HIP1R: variants seen among roughly 807,000 people sequenced by gnomAD.
The protein encoded by HIP1R is huntingtin-interacting protein 1-related protein.
In HIP1R, 135 loss-of-function variants were observed where a neutral mutation model predicts 144.2. The ratio of observed to expected loss-of-function variants is 0.94; its 90% CI spans 0.81 to 1.08. The LOEUF (loss-of-function observed/expected upper bound fraction) is 1.08, where lower values mean the gene tolerates loss of function less well. HIP1R is among the 50% of genes least tolerant of loss of function. The pLI is 0.00. For synonymous variants in HIP1R, 698 were observed against 612.8 expected (o/e 1.14, Z -2.05); for missense variants, 1,462 against 1,432.8 (o/e 1.02, Z -0.33).
In HIP1R at chr12:122,848,452, C is replaced by T; in HGVS notation, c.158-14C>T. The T allele has an allele frequency of 6.2e-7, 1 of 1,605,206 alleles. No individual in the cohort carries two copies. The highest frequency in any genetic ancestry group is 1.1e-5 in the South Asian group (1 of 89,956). ...CTCCAGTCTCTGCTTCCACACTTGG[C>T]CTTGACATTGCAGGCATCATTCTGG... On this transcript the variant is annotated splice_polypyrimidine_tract_variant and intron_variant, in intron 2 of 31. Coordinates refer to ENST00000253083, the MANE Select transcript of HIP1R (RefSeq NM_003959.3).
In HIP1R at chr12:122,861,476, G is replaced by A. The variant is rs777845596; in HGVS notation, c.3121G>A (p.Ala1041Thr). 1.2e-6 allele frequency: 2 copies of A among 1,613,242 alleles called. No homozygotes were observed. The highest frequency in any genetic ancestry group is 1.7e-6 in the Non-Finnish European group (2 of 1,179,814). ...RSVTTKKPPL[A>T]QKPSVAPRQD... is the part of the protein sequence containing the mutation. Reference sequence around the variant, plus strand: ...TGTAACCACCAAGAAACCACCCCTGGCCCAGAAGCCCAGCGTGGCCCCCAG... The same window carrying A: ...TGTAACCACCAAGAAACCACCCCTGACCCAGAAGCCCAGCGTGGCCCCCAG... Residue 1041 changes from alanine (A) to threonine (T), a missense_variant, in exon 31 of 32, where the codon GCC becomes ACC. Coordinates refer to ENST00000253083, the MANE Select transcript of HIP1R (RefSeq NM_003959.3).
At chr12:122,837,317 G>T (rs1593856129) in intron 1 of HIP1R, among the ~76,000 whole-genome samples, 1 of 150,028 alleles carries the variant, frequency 6.7e-6, no homozygotes, top group South Asian at 2.1e-4. Context: ...CAAGAAGGTG[G>T]ATTTTTTTTT....
At chr12:122,843,257 C>A (rs982792158) in intron 1 of HIP1R, among the ~76,000 whole-genome samples, 1 of 152,196 alleles carries the variant, frequency 6.6e-6, no homozygotes, top group African/African-American at 2.4e-5. Flanking sequence ...CTGAGGGGCT[C>A]CATCTCCATC....
rs745910954 is a variant in HIP1R at position 122,849,894 on chromosome 12, A to G, written c.377A>G (p.Tyr126Cys). ...ACACAGGGACATTTGCATGACCGCT[A>G]CGGACAGCTGGTGAATGTCTACACC... is the stretch of plus-strand genomic sequence containing the variant. The part of the protein sequence containing the change: ...GDLWGHLHDR[Y>C]GQLVNVYTKL... Residue 126 changes from tyrosine (Y) to cysteine (C), a missense_variant, in exon 5 of 32, where the codon TAC becomes TGC. Tyr to Cys is a radical substitution (Grantham distance 194). Coordinates refer to ENST00000253083, the MANE Select transcript of HIP1R (RefSeq NM_003959.3). 5.6e-6 allele frequency: 9 copies of G among 1,613,340 alleles called. No individual in the cohort carries two copies. Among genetic ancestry groups the G allele is most frequent in the Admixed American group, 1.7e-5 (1 of 59,996 alleles).
In HIP1R at chr12:122,858,182, G is replaced by A. The variant is rs546984035; in HGVS notation, c.1896G>A (p.Ala632=). ...AVLRGAAAEA[A]GILQDAVSKL... The stretch of plus-strand genomic sequence containing the variant: ...TGCGGGGCGCTGCTGCCGAGGCCGC[G>A]GGCATCCTGCAGGATGCCGTGAGCA... Residue 632 remains alanine, a synonymous_variant, in exon 19 of 32, where the codon GCG becomes GCA. Transcript: ENST00000253083. The A allele has an allele frequency of 3.7e-5, 59 of 1,607,534 alleles. No individual in the cohort carries two copies. Among genetic ancestry groups the A allele is most frequent in the African/African-American group, 1.1e-4 (8 of 74,868 alleles).
At position 122,860,080 on chromosome 12, in the gene HIP1R, G is replaced by A. The variant is rs1566115237; in HGVS notation, c.2496+3G>A. 1.3e-6 allele frequency: 2 copies of A among 1,576,392 alleles called. No homozygotes were observed. Among genetic ancestry groups the A allele is most frequent in the Admixed American group, 1.8e-5 (1 of 55,758 alleles). On this transcript the variant is annotated splice_donor_region_variant and intron_variant, in intron 25 of 31. Transcript: ENST00000253083. Reference sequence around the variant, plus strand: ...ACTCCTGCACAGACCTGATGAAGGTGAGGGGCTGTGACCCGGGGGGGTCTG... The same window carrying A: ...ACTCCTGCACAGACCTGATGAAGGTAAGGGGCTGTGACCCGGGGGGGTCTG...
chr12:122,855,418 C>T lies in HIP1R; in HGVS notation c.993+13C>T. 2 of 1,555,082 alleles carry T rather than the reference C, an allele frequency of 1.3e-6. No individual in the cohort carries two copies. The highest frequency in any genetic ancestry group is 1.4e-5 in the African/African-American group (1 of 73,362). ...GGGGGAGCCAGTGGTGAGCCCCCTGCCCAGCCCGTGTCCCCCAGTCCTCCA... is the reference window on the plus strand; with the variant it reads ...GGGGGAGCCAGTGGTGAGCCCCCTGTCCAGCCCGTGTCCCCCAGTCCTCCA... On this transcript the variant is annotated intron_variant, in intron 11 of 31. Coordinates refer to ENST00000253083, the MANE Select transcript of HIP1R (RefSeq NM_003959.3).
intron 6 of HIP1R, 32 bp from the exon 7 acceptor site, chr12:122,851,204 T>C: frequency 4.7e-6 from 7 of 1,484,460 alleles, no homozygotes; most frequent in Admixed American, 2.6e-5. Context: ...CACCCACCCT[T>C]TTTCATTTCT....
At chr12:122,838,644 A>G (rs1297820905) in intron 1 of HIP1R, among the ~76,000 whole-genome samples, 1 of 152,216 alleles carries the variant, frequency 6.6e-6, no homozygotes, top group Non-Finnish European at 1.5e-5. Context: ...AGAACCTGTG[A>G]CTACGTTAAT....
Position 122,860,480 on chromosome 12 carries a change from A to T in HIP1R, c.2617A>T (p.Ile873Phe), listed in dbSNP as rs759270698. ...GAACTCGCGCTGGACCGAAGGCCTC[A>T]TCTCGGCCTCCAAGGCTGTGGGCTG... ...AKNSRWTEGL[I>F]SASKAVGWGA... Residue 873 changes from isoleucine (I) to phenylalanine (F), a missense_variant, in exon 27 of 32, where the codon ATC (isoleucine) becomes TTC (phenylalanine). Ile to Phe is a conservative substitution (Grantham distance 21, BLOSUM62 0). This residue lies in a region of HIP1R where 1,112 missense variants were observed against 1,011.7 expected (regional missense o/e 1.10). Transcript: ENST00000253083. The T allele has an allele frequency of 6.2e-7, 1 of 1,613,202 alleles. No individual in the cohort carries two copies. Among genetic ancestry groups the T allele is most frequent in the Non-Finnish European group, 8.5e-7 (1 of 1,179,966 alleles).
rs2033737252 is a variant in HIP1R at position 122,860,535 on chromosome 12, T to C, written c.2660+12T>C. 9.8e-7 allele frequency: 1 copy of C among 1,018,478 alleles called. No homozygotes were observed. Among genetic ancestry groups the C allele is most frequent in the Non-Finnish European group, 1.5e-6 (1 of 662,648 alleles). 63.1% of individuals were successfully genotyped at this position (1,018,478 alleles called of 1,614,324 possible). On this transcript the variant is annotated intron_variant, in intron 27 of 31. Transcript: ENST00000253083. ...GCCACACAGCTGGTGTAGGTTGCCC[T>C]GGGTGGGGGGGGGCAGGGGGCTGCT...
Position 122,858,096 on chromosome 12 carries a change from T to C in HIP1R, c.1816-6T>C. 1 of 1,569,720 alleles carries C rather than the reference T, an allele frequency of 6.4e-7. No homozygotes were observed. Among genetic ancestry groups the C allele is most frequent in the East Asian group, 2.3e-5 (1 of 44,196 alleles). ...TCTAACCTGTCCTCTTCACCCCCAT[T>C]GCCAGGAGTCTCAGGAGCAGGGGCT... On this transcript the variant is annotated splice_polypyrimidine_tract_variant and splice_region_variant and intron_variant, in intron 18 of 31. Coordinates refer to ENST00000253083, the MANE Select transcript of HIP1R (RefSeq NM_003959.3).
intron 8 of HIP1R, 127 bp downstream of exon 8, chr12:122,854,310 GC>G: frequency 1.9e-6 from 1 of 528,678 alleles, no homozygotes; most frequent in Admixed American, 4.2e-5. Context: ...TAAACCCACT[GC>G]CCATTAATAG....
chr12:122,856,889 C>T (rs1566112274), intron 17 of HIP1R, 132 bp from the exon 18 acceptor site: 3 of 1,022,460 alleles, frequency 2.9e-6, no homozygotes, highest in African/African-American at 1.6e-5. Flanking sequence ...GGACCTACCG[C>T]TGGTCCTCAG....
chr12:122,848,702 G>GA, intron 3 of HIP1R, 94 bp downstream of exon 3: 2 of 1,597,666 alleles, frequency 1.3e-6, no homozygotes, highest in Non-Finnish European at 1.7e-6. Flanking sequence ...GTAGCTCCGG[G>GA]CTGTTCCTCC....
intron 1 of HIP1R, among the ~76,000 whole-genome samples, chr12:122,847,613 C>G (rs115516100): frequency 2.0e-5 from 3 of 152,296 alleles, no homozygotes; most frequent in African/African-American, 7.2e-5. Context: ...CATGGGGTGC[C>G]GCAAAGGCCA....
Position 122,847,306 on chromosome 12 carries a change from G to C in HIP1R, c.94-725G>C, listed in dbSNP as rs117050467. The stretch of plus-strand genomic sequence containing the variant: ...GAAAAGGAGGCAGTAGCCGGGGCGG[G>C]GGGGGAGGGGTGAGACTGCCATAGG... On this transcript the variant is annotated intron_variant, in intron 1 of 31. Transcript: ENST00000253083. Among the ~76,000 whole-genome samples, 1,035 of 152,306 alleles carry C rather than the reference G, an allele frequency of 6.8e-3. 70 individuals are homozygous for C. The East Asian group carries it at 0.15, about 22-fold the overall frequency.
chr12:122,859,447 G>C lies in HIP1R; in HGVS notation c.2317G>C (p.Asp773His). ...CCAGGAACTGAAACCCAAGAGCCTA[G>C]ATGTGCGGCAGGAGGAGCTGGGGGC... is the stretch of plus-strand genomic sequence containing the variant. ...LGQELKPKSLDVRQEELGAVV... is the reference protein window; with the variant it reads ...LGQELKPKSLHVRQEELGAVV... The change falls in exon 23 of 32, where the codon GAT (aspartate) becomes CAT (histidine). Residue 773 changes from aspartate (D) to histidine (H), a missense_variant. Physicochemically the swap from Asp to His is moderately conservative, Grantham distance 81 (BLOSUM62 -1). Transcript: ENST00000253083. 6.2e-7 allele frequency: 1 copy of C among 1,613,514 alleles called. No homozygotes were observed. Among genetic ancestry groups the C allele is most frequent in the East Asian group, 2.2e-5 (1 of 44,872 alleles).
rs747708374 is a variant in HIP1R, at chr12:122,855,062, C to T, written c.786C>T (p.Asn262=). The part of the protein sequence containing the change: ...RFHEQFHSLR[N]FFRRASDMLY... ...CCCACCATCTCTGCAGCCTCAGGAACTTCTTCCGCAGAGCCTCCGACATGC... is the reference window on the plus strand; with the variant it reads ...CCCACCATCTCTGCAGCCTCAGGAATTTCTTCCGCAGAGCCTCCGACATGC... Residue 262 remains asparagine (N), a synonymous_variant, in exon 10 of 32, where the codon AAC becomes AAT. Coordinates refer to ENST00000253083, the MANE Select transcript of HIP1R (RefSeq NM_003959.3). The T allele has an allele frequency of 1.9e-6, 3 of 1,613,760 alleles. No homozygotes were observed. The highest frequency in any genetic ancestry group is 2.2e-5 in the East Asian group (1 of 44,886).
Sources: gnomAD v4.1 joint callset for allele counts (sites outside exome capture counted in the v4.1 genomes callset) on GRCh38, gnomAD v4.1.1 for gene constraint, gnomAD v4.1.1 regional missense constraint, MANE v1.5 for transcripts, NCBI Gene and HGNC (gene_info 2026-07-23, HGNC 2026-07-21) for gene names.